ARHGAP19: variants seen among roughly 807,000 people sequenced by gnomAD.
ARHGAP19 encodes the protein Rho GTPase activating protein 19, also known as rho GTPase-activating protein 19.
ARHGAP19 carries 48 observed loss-of-function variants against 60.9 expected under a neutral mutation model. That is an observed-to-expected ratio of 0.79 (90% confidence interval 0.62 to 1.00). The LOEUF is 1.00. Ranked by LOEUF, ARHGAP19 falls within the 50% of genes least tolerant of loss-of-function variation. ARHGAP19 has a pLI of 0.00. For synonymous variants in ARHGAP19, 209 were observed against 215.5 expected (o/e 0.97, Z 0.27); for missense variants, 562 against 597.2 (o/e 0.94, Z 0.61).
At position 97,241,966 on chromosome 10, in the gene ARHGAP19, C is replaced by T. The variant is rs1035479809; in HGVS notation, c.1185+2002G>A. 6.7e-5 allele frequency among the ~76,000 whole-genome samples: 10 copies of T among 149,858 alleles called. No individual in the cohort carries two copies. The East Asian group carries it at 9.8e-4, about 15-fold the overall frequency. Reference sequence around the variant, plus strand: ...CGGAGCTTGCAGTGAGTGGAGATTGCGCCACTGCATTCCAGCCTGGGCGAC... The same window carrying T: ...CGGAGCTTGCAGTGAGTGGAGATTGTGCCACTGCATTCCAGCCTGGGCGAC... On this transcript the variant is annotated intron_variant, in intron 8 of 11. Coordinates refer to ENST00000358531, the MANE Select transcript of ARHGAP19 (RefSeq NM_032900.6).
intron 1 of ARHGAP19, among the ~76,000 whole-genome samples, chr10:97,273,144 T>G (rs1382473491): frequency 6.6e-6 from 1 of 151,822 alleles, no homozygotes; most frequent in Non-Finnish European, 1.5e-5. Context: ...CCAGCCTGTT[T>G]GTTGTTTATT....
chr10:97,226,090 T>A lies in ARHGAP19; in HGVS notation c.*32A>T. ...CACCTGCCCACTAAACAGAAAATTC[T>A]GCATGGACCATAGGAGACAACTCTG... On this transcript the variant is annotated 3_prime_UTR_variant, in exon 12 of 12. Transcript: ENST00000358531. 1 of 1,612,500 alleles carries A rather than the reference T, an allele frequency of 6.2e-7. No homozygotes were observed. Among genetic ancestry groups the A allele is most frequent in the South Asian group, 1.1e-5 (1 of 90,948 alleles).
At position 97,265,902 on chromosome 10, in the gene ARHGAP19, C is replaced by G; in HGVS notation, c.280G>C (p.Ala94Pro). The G allele has an allele frequency of 6.2e-7, 1 of 1,614,164 alleles. No homozygotes were observed. The highest frequency in any genetic ancestry group is 8.5e-7 in the Non-Finnish European group (1 of 1,180,038). ...DLKLPGGAGP[A>P]SGFFRSLMSL... ...ATGAGAGACCGGAAGAATCCTGATG[C>G]TGGGCCAGCCCCGCCAGGCAACTTA... The change falls in exon 2 of 12, where the codon GCA (alanine) becomes CCA (proline). Residue 94 changes from alanine to proline, a missense_variant. Physicochemically the swap from Ala to Pro is conservative, Grantham distance 27. Transcript: ENST00000358531.
At chr10:97,229,975 T>C in intron 9 of ARHGAP19, 101 bp from the exon 10 acceptor site, 1 of 832,144 alleles carries the variant, frequency 1.2e-6, no homozygotes, top group Non-Finnish European at 1.9e-6. Context: ...GTTAAAAAAA[T>C]CTCAGCATTC....
intron 11 of ARHGAP19, among the ~76,000 whole-genome samples, chr10:97,226,900 T>C (rs1238243805): frequency 1.3e-5 from 2 of 152,218 alleles, no homozygotes; most frequent in Non-Finnish European, 2.9e-5. Flanking sequence ...CCATAATAAG[T>C]AGGTGCTAAA....
chr10:97,231,044 A>G (rs1851001708), intron 9 of ARHGAP19, among the ~76,000 whole-genome samples: 1 of 59,312 alleles, frequency 1.7e-5, no homozygotes, highest in African/African-American at 5.8e-5. Context: ...ACACCTAGTG[A>G]GACTCTTGTC....
intron 11 of ARHGAP19, among the ~76,000 whole-genome samples, chr10:97,227,881 GTCTT>G (rs375547856): frequency 8.5e-5 from 13 of 152,254 alleles, no homozygotes; most frequent in East Asian, 1.9e-4. Context: ...TTTAAAAAAC[GTCTT>G]TCTTTCTTTC....
At chr10:97,239,765 TG>T (rs1488630401) in intron 8 of ARHGAP19, among the ~76,000 whole-genome samples, 2 of 151,816 alleles carry the variant, frequency 1.3e-5, no homozygotes, top group African/African-American at 2.4e-5. Flanking sequence ...TGGAGTGCAA[TG>T]GCATGACCTC....
At chr10:97,280,850 G>A (rs1024887436) in intron 1 of ARHGAP19, among the ~76,000 whole-genome samples, 7 of 152,098 alleles carry the variant, frequency 4.6e-5, no homozygotes, top group African/African-American at 1.7e-4. Context: ...CTCCCCAAGT[G>A]CTGGCATTAG....
At chr10:97,228,943 T>C in intron 11 of ARHGAP19, 1 of 682,712 alleles carries the variant, frequency 1.5e-6, no homozygotes, top group Non-Finnish European at 2.7e-6. Context: ...TGTTCACAGC[T>C]CTACCCTTAG....
chr10:97,238,498 G>C (rs997132699), intron 8 of ARHGAP19, among the ~76,000 whole-genome samples: 4 of 152,150 alleles, frequency 2.6e-5, no homozygotes, highest in Non-Finnish European at 5.9e-5. Flanking sequence ...GATTACAGGA[G>C]TGAGCTACCA....
In ARHGAP19 at chr10:97,267,719, T is replaced by C. The variant is rs559499132; in HGVS notation, c.57-1594A>G. Among the ~76,000 whole-genome samples, 31 of 152,384 alleles carry C rather than the reference T, an allele frequency of 2.0e-4. No individual in the cohort carries two copies. The East Asian group carries it at 4.8e-3, about 24-fold the overall frequency. On this transcript the variant is annotated intron_variant, in intron 1 of 11. Transcript: ENST00000358531. ...CATGTAAGCTGCCAAGGCATGGGGC[T>C]TGCACCCTGTGAAGCAATGGCCTGA...
intron 1 of ARHGAP19, 58 bp from the exon 2 acceptor site, chr10:97,266,183 T>C: frequency 6.3e-7 from 1 of 1,588,260 alleles, no homozygotes; most frequent in Non-Finnish European, 8.6e-7. Context: ...TCTTATGCAC[T>C]ACTCATTGGG....
chr10:97,292,496 G>T lies in ARHGAP19; in HGVS notation c.56+76C>A, dbSNP rs1011445772. The T allele has an allele frequency of 3.7e-5, 58 of 1,560,544 alleles. No homozygotes were observed. The Middle Eastern group carries it at 1.0e-3, about 27-fold the overall frequency. On this transcript the variant is annotated intron_variant, in intron 1 of 11. Transcript: ENST00000358531. ...AACAAAGCCCGAACCGTGCGCCTCC[G>T]TGACCCAAGGCAAAGGCGGCAGGAC... is the stretch of plus-strand genomic sequence containing the variant.
chr10:97,249,062 CA>C (rs1427902494), intron 6 of ARHGAP19, among the ~76,000 whole-genome samples: 21 of 152,050 alleles, frequency 1.4e-4, no homozygotes, highest in Non-Finnish European at 2.6e-4. Context: ...AATTGACTAA[CA>C]CTTTGGAAAA....
intron 9 of ARHGAP19, among the ~76,000 whole-genome samples, chr10:97,234,368 T>C (rs903629511): frequency 2.9e-4 from 42 of 143,484 alleles, no homozygotes; most frequent in South Asian, 6.5e-4. Context: ...CACATTTACC[T>C]ATATAACAAA....
chr10:97,279,491 T>TGC (rs1843056964), intron 1 of ARHGAP19, among the ~76,000 whole-genome samples: 1 of 54,262 alleles, frequency 1.8e-5, no homozygotes, highest in Non-Finnish European at 4.8e-5. Context: ...TGTGTGTGTG[T>TGC]GCGTTTTGTT....
At chr10:97,251,387 G>A (rs1282650063) in intron 6 of ARHGAP19, among the ~76,000 whole-genome samples, 1 of 21,298 alleles carries the variant, frequency 4.7e-5, no homozygotes, top group Non-Finnish European at 1.1e-4. Context: ...GGAAGGGAAG[G>A]GGAAGGGAAG....
chr10:97,259,442 A>C lies in ARHGAP19; in HGVS notation c.800T>G (p.Leu267Arg), dbSNP rs1244437801. Residue 267 changes from leucine to arginine, a missense_variant, in exon 5 of 12, where the codon CTT becomes CGT. Leu to Arg is a moderately radical substitution (Grantham distance 102). Coordinates refer to ENST00000358531, the MANE Select transcript of ARHGAP19 (RefSeq NM_032900.6). ...GACATGGGGTGCAAACATAAGGGCA[A>C]GGTTATAGGCTGACATCTTGTTCTT... The part of the protein sequence containing the change: ...QDKNKMSAYN[L>R]ALMFAPHVLW... The C allele has an allele frequency of 6.2e-7, 1 of 1,614,058 alleles. No individual in the cohort carries two copies. Among genetic ancestry groups the C allele is most frequent in the African/African-American group, 1.3e-5 (1 of 74,942 alleles).
Sources: allele counts gnomAD v4.1 joint callset (sites outside exome capture counted in the v4.1 genomes callset), GRCh38; gene constraint gnomAD v4.1.1; transcripts MANE v1.5; gene names NCBI Gene and HGNC (gene_info 2026-07-23, HGNC 2026-07-21).